The following GOLGA7B variants were observed in gnomAD, a reference collection of about 807,000 sequenced individuals.
The protein encoded by GOLGA7B is golgin subfamily A member 7B.
Under a neutral mutation model 21.5 loss-of-function variants are expected in GOLGA7B, and 17 were observed. The observed-to-expected ratio is 0.79, with a 90% confidence interval of 0.54 to 1.19. GOLGA7B has a LOEUF of 1.19. Ranked by LOEUF, GOLGA7B falls within the 50% of genes most tolerant of loss-of-function variation. The pLI is 0.00. For missense variants in GOLGA7B, 169 were observed against 224.4 expected (o/e 0.75, Z 1.58); for synonymous variants, 87 against 84.0 (o/e 1.04, Z -0.19).
intron 1 of GOLGA7B, among the ~76,000 whole-genome samples, chr10:97,850,538 C>A (rs898876704): frequency 1.3e-5 from 2 of 152,194 alleles, no homozygotes; most frequent in Admixed American, 1.3e-4. Context: ...GTCCGCGACA[C>A]TTGTTGGCAT....
rs574850325 is a variant in GOLGA7B, at chr10:97,866,230, G to T, written c.*530G>T. On this transcript the variant is annotated 3_prime_UTR_variant, in exon 5 of 5. Coordinates refer to ENST00000370602, the MANE Select transcript of GOLGA7B (RefSeq NM_001010917.3). The stretch of plus-strand genomic sequence containing the variant: ...ATCCTGCCTCCACCAAATTCAAGGT[G>T]TGGGGAGACGGGTGCCGTGGTTGGG... 6.5e-6 allele frequency: 1 copy of T among 153,856 alleles called. No homozygotes were observed. The highest frequency in any genetic ancestry group is 2.4e-5 in the African/African-American group (1 of 41,516). 9.5% of individuals were successfully genotyped at this position (153,856 alleles called of 1,614,324 possible).
chr10:97,863,011 G>T (rs141452467), intron 2 of GOLGA7B, among the ~76,000 whole-genome samples: 2 of 152,224 alleles, frequency 1.3e-5, no homozygotes, highest in Non-Finnish European at 2.9e-5. Flanking sequence ...GCCATGGAGG[G>T]CCTAGCGGGC....
intron 1 of GOLGA7B, among the ~76,000 whole-genome samples, chr10:97,854,793 G>T (rs1051452569): frequency 1.3e-5 from 2 of 152,196 alleles, no homozygotes; most frequent in Non-Finnish European, 2.9e-5. Flanking sequence ...TACAATAGAA[G>T]TTTGTATCCT....
At chr10:97,862,277 C>A (rs999663582) in intron 2 of GOLGA7B, among the ~76,000 whole-genome samples, 9 of 152,110 alleles carry the variant, frequency 5.9e-5, no homozygotes, top group African/African-American at 1.9e-4. Flanking sequence ...AAATAAAAAA[C>A]CAAGCAAATA....
At chr10:97,856,224 C>G (rs555294053) in intron 1 of GOLGA7B, among the ~76,000 whole-genome samples, 3 of 152,188 alleles carry the variant, frequency 2.0e-5, no homozygotes, top group East Asian at 1.9e-4. Flanking sequence ...TTAACCCTCA[C>G]CCCCTCCCCT....
chr10:97,859,380 T>C, intron 1 of GOLGA7B, 78 bp from the exon 2 acceptor site: 1 of 1,457,958 alleles, frequency 6.9e-7, no homozygotes, highest in South Asian at 1.2e-5. Flanking sequence ...AAGACCTGCA[T>C]TCTGGGAAAC....
At position 97,869,470 on chromosome 10, in the gene GOLGA7B, G is replaced by A. The variant is rs1008145330; in HGVS notation, c.*3770G>A. 2.0e-5 allele frequency: 3 copies of A among 152,688 alleles called. No homozygotes were observed. The highest frequency in any genetic ancestry group is 7.2e-5 in the African/African-American group (3 of 41,464). 9.5% of individuals were successfully genotyped at this position (152,688 alleles called of 1,614,324 possible). A position where few individuals can be genotyped will look rare whatever the true frequency, so the allele number is the denominator to read the frequency against. ...CAGCCTCAGCCAGACTGTCCCCGAG[G>A]TCCCAAGTGAGGCCCCAGCCACTCA... On this transcript the variant is annotated 3_prime_UTR_variant, in exon 5 of 5. Transcript: ENST00000370602.
rs937144005 is a variant in GOLGA7B at position 97,865,891 on chromosome 10, C to T, written c.*191C>T. The T allele has an allele frequency of 2.6e-5, 24 of 940,850 alleles. No homozygotes were observed. In the Admixed American group the frequency reaches 5.1e-4, roughly 20 times the overall value. 58.3% of individuals were successfully genotyped at this position (940,850 alleles called of 1,614,324 possible). ...ACCTATGCCCCCTGTCCCTCACCCCCGTCTGGATCAGTCCATTTCCTGACC... is the reference window on the plus strand; with the variant it reads ...ACCTATGCCCCCTGTCCCTCACCCCTGTCTGGATCAGTCCATTTCCTGACC... On this transcript the variant is annotated 3_prime_UTR_variant, in exon 5 of 5. Transcript: ENST00000370602.
Position 97,867,867 on chromosome 10 carries a change from G to A in GOLGA7B, c.*2167G>A, listed in dbSNP as rs1164480187. On this transcript the variant is annotated 3_prime_UTR_variant, in exon 5 of 5. Transcript: ENST00000370602. The stretch of plus-strand genomic sequence containing the variant: ...TGACATGGGGAGCAGGATGAACTCT[G>A]TCTTCTTGGAGCTTGCAGTCTACTG... The A allele has an allele frequency of 6.6e-6, 1 of 152,296 alleles. No homozygotes were observed. The highest frequency in any genetic ancestry group is 6.5e-5 in the Admixed American group (1 of 15,290). The allele number at this position is 152,296 out of a possible 1,614,324, so 9.4% of individuals were successfully genotyped here. A position where few individuals can be genotyped will look rare whatever the true frequency, so the allele number is the denominator to read the frequency against.
chr10:97,859,470 C>T lies in GOLGA7B; in HGVS notation c.25C>T (p.Gln9Ter). 6.2e-7 allele frequency: 1 copy of T among 1,614,096 alleles called. No individual in the cohort carries two copies. Among genetic ancestry groups the T allele is most frequent in the Non-Finnish European group, 8.5e-7 (1 of 1,179,986 alleles). ...CACGTCTCCTCAGGTCCACAATCTG[C>T]AGGAGCTCCGGCGAAGTGCCTCACT... Reference protein sequence around the residue: MATEVHNLQELRRSASLAT... With the variant: MATEVHNL The change falls in exon 2 of 5, where the codon CAG (glutamine) becomes TAG (stop). Residue 9 changes from glutamine (Q) to a stop codon, truncating the protein, a stop_gained. Transcript: ENST00000370602. LOFTEE classifies it high-confidence loss of function.
At position 97,870,591 on chromosome 10, in the gene GOLGA7B, G is replaced by A. The variant is rs1301856241; in HGVS notation, c.*4891G>A. ...TAAGAGCTGTGTATTTGTCTGTACTGGTGATATATTTCAATAAAATTCACC... is the reference window on the plus strand; with the variant it reads ...TAAGAGCTGTGTATTTGTCTGTACTAGTGATATATTTCAATAAAATTCACC... On this transcript the variant is annotated 3_prime_UTR_variant, in exon 5 of 5. Coordinates refer to ENST00000370602, the MANE Select transcript of GOLGA7B (RefSeq NM_001010917.3). The A allele has an allele frequency of 6.6e-6, 1 of 152,068 alleles. No individual in the cohort carries two copies. The highest frequency in any genetic ancestry group is 2.4e-5 in the African/African-American group (1 of 41,374). 9.4% of individuals were successfully genotyped at this position (152,068 alleles called of 1,614,324 possible).
chr10:97,855,363 G>A (rs1272928260), intron 1 of GOLGA7B, among the ~76,000 whole-genome samples: 1 of 152,204 alleles, frequency 6.6e-6, no homozygotes, highest in Non-Finnish European at 1.5e-5. Flanking sequence ...GCATCACATT[G>A]CCTGACGTCA....
At chr10:97,851,099 T>C (rs552561516) in intron 1 of GOLGA7B, among the ~76,000 whole-genome samples, 1 of 152,274 alleles carries the variant, frequency 6.6e-6, no homozygotes, top group Non-Finnish European at 1.5e-5. Flanking sequence ...GCTCTTTATG[T>C]TCCCACTTTA....
In GOLGA7B at chr10:97,866,800, G is replaced by T. The variant is rs974509783; in HGVS notation, c.*1100G>T. ...TGTGTATGAGTGTTCATGTGTATGAGTGTGTGTGTATGCAGGTGAGTGCAT... is the reference window on the plus strand; with the variant it reads ...TGTGTATGAGTGTTCATGTGTATGATTGTGTGTGTATGCAGGTGAGTGCAT... On this transcript the variant is annotated 3_prime_UTR_variant, in exon 5 of 5. Coordinates refer to ENST00000370602, the MANE Select transcript of GOLGA7B (RefSeq NM_001010917.3). 7 of 152,216 alleles carry T rather than the reference G, an allele frequency of 4.6e-5. No individual in the cohort carries two copies. The highest frequency in any genetic ancestry group is 1.7e-4 in the African/African-American group (7 of 41,426). The allele number at this position is 152,216 out of a possible 1,614,324, so 9.4% of individuals were successfully genotyped here.
At position 97,859,344 on chromosome 10, in the gene GOLGA7B, G is replaced by A. The variant is rs951908987; in HGVS notation, c.13-114G>A. ...AGTGCCCAGCTTGTCTCTGCATGCT[G>A]GGAACTTTCCTGGTGTTAGTGCTGG... On this transcript the variant is annotated intron_variant, in intron 1 of 4. Coordinates refer to ENST00000370602, the MANE Select transcript of GOLGA7B (RefSeq NM_001010917.3). 3 of 1,066,348 alleles carry A rather than the reference G, an allele frequency of 2.8e-6. No individual in the cohort carries two copies. The African/African-American group carries it at 4.7e-5, about 17-fold the overall frequency. The allele number at this position is 1,066,348 out of a possible 1,614,324, so 66.1% of individuals were successfully genotyped here. A position where few individuals can be genotyped will look rare whatever the true frequency, so the allele number is the denominator to read the frequency against.
chr10:97,850,331 C>T lies in GOLGA7B; in HGVS notation c.12+16C>T, dbSNP rs1341091739. ...GGCCACCGAGGTAGGGGCGAGCGCC[C>T]CACCCGCAGGCAGTGCCCGATTGCC... On this transcript the variant is annotated intron_variant, in intron 1 of 4. Coordinates refer to ENST00000370602, the MANE Select transcript of GOLGA7B (RefSeq NM_001010917.3). 6.6e-7 allele frequency: 1 copy of T among 1,513,474 alleles called. No individual in the cohort carries two copies. Among genetic ancestry groups the T allele is most frequent in the Non-Finnish European group, 8.8e-7 (1 of 1,131,418 alleles). The allele number at this position is 1,513,474 out of a possible 1,614,324, so 93.8% of individuals were successfully genotyped here.
At chr10:97,856,053 T>C (rs1367454818) in intron 1 of GOLGA7B, among the ~76,000 whole-genome samples, 1 of 152,266 alleles carries the variant, frequency 6.6e-6, no homozygotes, top group Non-Finnish European at 1.5e-5. Flanking sequence ...AGTTATTTAT[T>C]ATTTCCCAAG....
chr10:97,865,476 T>A, intron 4 of GOLGA7B, 114 bp from the exon 5 acceptor site: 1 of 1,537,070 alleles, frequency 6.5e-7, no homozygotes, highest in African/African-American at 1.4e-5. Context: ...CCCTACTGTC[T>A]AGGCAGCAGC....
rs184932970 is a variant in GOLGA7B at position 97,854,896 on chromosome 10, T to C, written c.13-4562T>C. On this transcript the variant is annotated intron_variant, in intron 1 of 4. Coordinates refer to ENST00000370602, the MANE Select transcript of GOLGA7B (RefSeq NM_001010917.3). ...TTCAGTGATTCAGGGACCAAGGCTC[T>C]TCCCAACTTGTGGTGTCACTATCTT... is the stretch of plus-strand genomic sequence containing the variant. Among the ~76,000 whole-genome samples the C allele has an allele frequency of 1.6e-3, 242 of 152,322 alleles. 2 individuals are homozygous for C. The highest frequency in any genetic ancestry group is 1.8e-4 in the Non-Finnish European group (12 of 68,032).
Sources: allele counts gnomAD v4.1 joint callset (sites outside exome capture counted in the v4.1 genomes callset), GRCh38; gene constraint gnomAD v4.1.1; transcripts MANE v1.5; gene names NCBI Gene and HGNC (gene_info 2026-07-23, HGNC 2026-07-21).